EYS: variants seen among roughly 807,000 people sequenced by gnomAD.
EYS encodes the protein protein eyes shut homolog.
In EYS, 250 loss-of-function variants were observed where a neutral mutation model predicts 282.1. The ratio of observed to expected loss-of-function variants is 0.89; its 90% confidence interval spans 0.80 to 0.98. EYS has a LOEUF of 0.98. Among genes scored for constraint, EYS ranks in the 50% least tolerant of loss-of-function variants. The pLI is 0.00. For synonymous variants in EYS, 1,355 were observed against 1,282.9 expected (o/e 1.06, Z -1.20); for missense variants, 4,016 against 3,709.0 (o/e 1.08, Z -2.15).
At chr6:64,469,337 T>C (rs1776032682) in intron 26 of EYS, among the ~76,000 whole-genome samples, 1 of 152,148 alleles carries the variant, frequency 6.6e-6, no homozygotes, top group Non-Finnish European at 1.5e-5. Flanking sequence ...TGTTCCAGTA[T>C]AATAAAATAT....
At chr6:65,450,145 GT>G (rs1277288205) in intron 5 of EYS, among the ~76,000 whole-genome samples, 1 of 152,040 alleles carries the variant, frequency 6.6e-6, no homozygotes, top group Non-Finnish European at 1.5e-5. Flanking sequence ...AACAAACCAG[GT>G]TTTTGTTGGG....
chr6:64,933,376 T>C (rs993873780), intron 15 of EYS, among the ~76,000 whole-genome samples: 1 of 151,882 alleles, frequency 6.6e-6, no homozygotes, highest in African/African-American at 2.4e-5. Flanking sequence ...AACAAACATA[T>C]GAAAAAAAGC....
chr6:63,835,764 A>G (rs1771788740), intron 36 of EYS, among the ~76,000 whole-genome samples: 2 of 152,156 alleles, frequency 1.3e-5, no homozygotes, highest in Admixed American at 6.6e-5. Flanking sequence ...TAACAGTTTT[A>G]GAAATAAGAA....
At chr6:64,107,285 T>TTATA (rs55756711) in intron 31 of EYS, among the ~76,000 whole-genome samples, 4,913 of 101,232 alleles carry the variant, frequency 0.049, 156 homozygotes, top group Non-Finnish European at 0.065. Context: ...ATATATATAT[T>TTATA]TATATATATA....
At chr6:65,699,794 G>A (rs557411756) in intron 1 of EYS, among the ~76,000 whole-genome samples, 6 of 152,134 alleles carry the variant, frequency 3.9e-5, no homozygotes, top group Non-Finnish European at 7.3e-5. Flanking sequence ...AACCAACCAA[G>A]CTGAGTTTGG....
At chr6:63,858,602 C>G (rs1420937647) in intron 36 of EYS, among the ~76,000 whole-genome samples, 1 of 152,178 alleles carries the variant, frequency 6.6e-6, no homozygotes, top group Non-Finnish European at 1.5e-5. Context: ...AAAGAGGAAT[C>G]ACTTTCTTGA....
chr6:65,548,351 T>C (rs974255922), intron 2 of EYS, among the ~76,000 whole-genome samples: 1 of 152,308 alleles, frequency 6.6e-6, no homozygotes, highest in East Asian at 1.9e-4. Flanking sequence ...TTATCAATTA[T>C]GGCAACTTCT....
chr6:65,195,143 C>A (rs1295291), intron 12 of EYS, among the ~76,000 whole-genome samples: 11,159 of 151,968 alleles, frequency 0.073, 483 homozygotes, highest in African/African-American at 0.11. Context: ...ATTTGTGCTC[C>A]TGCTCTAAAA....
At chr6:64,176,850 C>A (rs994588758) in intron 31 of EYS, among the ~76,000 whole-genome samples, 1 of 151,794 alleles carries the variant, frequency 6.6e-6, no homozygotes, top group Admixed American at 6.6e-5. Context: ...CTTTAAGGAC[C>A]GTTATTGAAA....
At chr6:64,618,962 G>C (rs1303282611) in intron 23 of EYS, among the ~76,000 whole-genome samples, 7 of 152,116 alleles carry the variant, frequency 4.6e-5, no homozygotes, top group African/African-American at 1.7e-4. Context: ...CCTGATAAAT[G>C]CTCTTATAAA....
intron 12 of EYS, among the ~76,000 whole-genome samples, chr6:65,198,835 G>T (rs1335166927): frequency 6.6e-6 from 1 of 152,052 alleles, no homozygotes; most frequent in African/African-American, 2.4e-5. Flanking sequence ...GAACAAAATT[G>T]GGATATCTTT....
At chr6:65,477,477 T>A (rs1303142111) in intron 5 of EYS, among the ~76,000 whole-genome samples, 2 of 152,182 alleles carry the variant, frequency 1.3e-5, no homozygotes, top group African/African-American at 4.8e-5. Context: ...ATGAAGTGAT[T>A]TTTAAATCAC....
intron 26 of EYS, among the ~76,000 whole-genome samples, chr6:64,546,685 A>G (rs531809816): frequency 1.3e-5 from 2 of 152,330 alleles, no homozygotes; most frequent in African/African-American, 4.8e-5. Flanking sequence ...CAAAAAAACA[A>G]ACAACCCCAT....
intron 29 of EYS, among the ~76,000 whole-genome samples, chr6:64,346,226 C>A (rs1429003060): frequency 6.6e-6 from 1 of 152,060 alleles, no homozygotes; most frequent in Non-Finnish European, 1.5e-5. Context: ...GATTATAAAT[C>A]ATGCTGCTAT....
chr6:65,031,266 C>A (rs1177457260), intron 13 of EYS, among the ~76,000 whole-genome samples: 3 of 151,330 alleles, frequency 2.0e-5, no homozygotes, highest in African/African-American at 7.3e-5. Context: ...GACTTTATAA[C>A]CACACAAAAA....
At chr6:65,181,393 T>C (rs1429093042) in intron 12 of EYS, among the ~76,000 whole-genome samples, 4 of 151,458 alleles carry the variant, frequency 2.6e-5, no homozygotes, top group African/African-American at 4.9e-5. Context: ...AAAAAATGGG[T>C]GAAGGATATG....
intron 29 of EYS, among the ~76,000 whole-genome samples, chr6:64,387,772 T>C (rs1772961676): frequency 6.6e-6 from 1 of 152,128 alleles, no homozygotes; most frequent in Non-Finnish European, 1.5e-5. Flanking sequence ...TGAATCTAAA[T>C]CTCTGCGTGC....
intron 8 of EYS, among the ~76,000 whole-genome samples, chr6:65,371,856 A>G (rs1024488774): frequency 8.6e-5 from 13 of 151,468 alleles, no homozygotes; most frequent in African/African-American, 3.2e-4. Flanking sequence ...GATTTTCTTT[A>G]GATTTTCAAT....
intron 24 of EYS, among the ~76,000 whole-genome samples, chr6:64,615,208 G>T (rs1472577987): frequency 6.6e-6 from 1 of 151,836 alleles, no homozygotes; most frequent in African/African-American, 2.4e-5. Flanking sequence ...TCTTATAACT[G>T]CTTTATTCTT....
Sources: allele counts gnomAD v4.1 joint callset (sites outside exome capture counted in the v4.1 genomes callset), GRCh38; gene constraint gnomAD v4.1.1; transcripts MANE v1.5; gene names NCBI Gene and HGNC (gene_info 2026-07-23, HGNC 2026-07-21).